ADK: variants seen among roughly 807,000 people sequenced by gnomAD.
ADK encodes the protein adenosine kinase, also known as N6,N6-dimethyladenosine kinase.
In ADK, 24 loss-of-function variants were observed where a neutral mutation model predicts 44.7. That is an observed-to-expected ratio of 0.54 (90% CI 0.39 to 0.76). The LOEUF (loss-of-function observed/expected upper bound fraction) is 0.76, where lower values mean the gene tolerates loss of function less well. ADK is among the 30% of genes least tolerant of loss of function. The pLI is 0.00. For synonymous variants in ADK, 128 were observed against 142.6 expected (o/e 0.90, Z 0.73); for missense variants, 321 against 425.1 (o/e 0.76, Z 2.15).
intron 9 of ADK, among the ~76,000 whole-genome samples, chr10:74,665,822 AAGAG>A (rs769352908): frequency 2.0e-5 from 3 of 150,188 alleles, no homozygotes; most frequent in South Asian, 4.2e-4. Context: ...AAGGAAAAGG[AAGAG>A]AGAGAGAAAA....
At chr10:74,578,209 TC>T (rs1316700297) in intron 7 of ADK, among the ~76,000 whole-genome samples, 3 of 152,338 alleles carry the variant, frequency 2.0e-5, no homozygotes, top group African/African-American at 7.2e-5. Context: ...TCTTCTTTCT[TC>T]TTTTCATCTA....
At chr10:74,494,954 C>T (rs1358001485) in intron 6 of ADK, among the ~76,000 whole-genome samples, 1 of 152,128 alleles carries the variant, frequency 6.6e-6, no homozygotes, top group Non-Finnish European at 1.5e-5. Context: ...TATATGGGCT[C>T]CATGTGGAAT....
chr10:74,302,137 T>TTG (rs1564642416), intron 3 of ADK, among the ~76,000 whole-genome samples: 5 of 103,814 alleles, frequency 4.8e-5, no homozygotes, highest in Admixed American at 1.1e-4. Context: ...TTTTTTTTTT[T>TTG]TTTTTTTTTG....
At chr10:74,308,647 T>A (rs1840333786) in intron 3 of ADK, among the ~76,000 whole-genome samples, 1 of 152,244 alleles carries the variant, frequency 6.6e-6, no homozygotes, top group Non-Finnish European at 1.5e-5. Context: ...GAAATTCTAC[T>A]TGGCAGTTAT....
chr10:74,240,880 A>T (rs545637879), intron 3 of ADK, among the ~76,000 whole-genome samples: 103 of 152,316 alleles, frequency 6.8e-4, no homozygotes, highest in African/African-American at 2.4e-3. Flanking sequence ...TATTTGGAAA[A>T]ATTAGTATTA....
At chr10:74,387,864 A>G (rs977430951) in intron 4 of ADK, among the ~76,000 whole-genome samples, 1 of 152,072 alleles carries the variant, frequency 6.6e-6, no homozygotes, top group African/African-American at 2.4e-5. Context: ...ATACTGTACT[A>G]AACTGCGTAG....
intron 6 of ADK, among the ~76,000 whole-genome samples, chr10:74,496,442 G>A (rs1232833655): frequency 2.0e-5 from 3 of 152,112 alleles, no homozygotes; most frequent in Admixed American, 6.5e-5. Context: ...TGGCATTTCC[G>A]CTGCTTGCAT....
intron 4 of ADK, among the ~76,000 whole-genome samples, chr10:74,322,643 CTT>C (rs1476965953): frequency 6.6e-6 from 1 of 152,108 alleles, no homozygotes; most frequent in Non-Finnish European, 1.5e-5. Flanking sequence ...ATTATTATAA[CTT>C]AGATCAGATT....
intron 10 of ADK, among the ~76,000 whole-genome samples, chr10:74,699,956 C>T (rs1856355428): frequency 6.6e-6 from 1 of 152,112 alleles, no homozygotes; most frequent in African/African-American, 2.4e-5. Flanking sequence ...CCTTAAACCT[C>T]TATGAAGGAG....
chr10:74,602,143 T>C (rs1466823804), intron 9 of ADK, among the ~76,000 whole-genome samples: 1 of 131,220 alleles, frequency 7.6e-6, no homozygotes, highest in Non-Finnish European at 1.6e-5. Context: ...CGGAGGGCAA[T>C]GGAGTCAAAG....
intron 6 of ADK, among the ~76,000 whole-genome samples, chr10:74,431,693 A>G (rs1845005285): frequency 6.6e-6 from 1 of 152,036 alleles, no homozygotes; most frequent in Non-Finnish European, 1.5e-5. Context: ...GTGAGCCTAG[A>G]TTGTGCCACT....
chr10:74,279,824 G>A (rs1846849756), intron 3 of ADK, among the ~76,000 whole-genome samples: 1 of 151,886 alleles, frequency 6.6e-6, no homozygotes, highest in Admixed American at 6.6e-5. Flanking sequence ...TTGAAACCAG[G>A]AATTTGAGAT....
At chr10:74,317,776 G>GT (rs140665100) in intron 4 of ADK, among the ~76,000 whole-genome samples, 42 of 151,976 alleles carry the variant, frequency 2.8e-4, no homozygotes, top group Middle Eastern at 3.4e-3. Context: ...GCTGTTTCTG[G>GT]TTTTTTTGTT....
At chr10:74,183,447 G>T (rs1842634366) in intron 1 of ADK, among the ~76,000 whole-genome samples, 2 of 152,068 alleles carry the variant, frequency 1.3e-5, no homozygotes, top group Admixed American at 1.3e-4. Context: ...ATGGTATTGT[G>T]CCTGTAGTCC....
chr10:74,327,253 T>C (rs985905725), intron 4 of ADK, among the ~76,000 whole-genome samples: 3 of 152,234 alleles, frequency 2.0e-5, no homozygotes, highest in Admixed American at 6.5e-5. Flanking sequence ...TTTTTGTTTC[T>C]CTTTAATTTT....
intron 9 of ADK, among the ~76,000 whole-genome samples, chr10:74,603,441 A>G (rs1460871869): frequency 1.3e-5 from 2 of 151,804 alleles, no homozygotes; most frequent in Admixed American, 1.3e-4. Flanking sequence ...CTGGTGTGTG[A>G]TGTTGCCCTC....
chr10:74,259,145 A>C (rs146001944), intron 3 of ADK, among the ~76,000 whole-genome samples: 1 of 151,660 alleles, frequency 6.6e-6, no homozygotes, highest in Non-Finnish European at 1.5e-5. Context: ...AGGTTTCGCC[A>C]TGTTGGCCAG....
Position 74,526,064 on chromosome 10 carries a change from A to G in ADK, c.726+638A>G, listed in dbSNP as rs113121724. On this transcript the variant is annotated intron_variant, in intron 7 of 10. Coordinates refer to ENST00000539909, the MANE Select transcript of ADK (RefSeq NM_006721.4). ...ACAGATGGATACCTGTCCTGTTACT[A>G]TGACCACAATCAGGATAAAAAAGCA... Among the ~76,000 whole-genome samples the G allele has an allele frequency of 5.1e-3, 774 of 152,340 alleles. 10 individuals carry two copies. The highest frequency in any genetic ancestry group is 0.017 in the African/African-American group (724 of 41,576).
intron 1 of ADK, among the ~76,000 whole-genome samples, chr10:74,166,290 GT>G (rs1371919963): frequency 1.3e-5 from 2 of 152,166 alleles, no homozygotes; most frequent in Admixed American, 6.5e-5. Context: ...TTTTGCTTGT[GT>G]TTAATTAAAA....
Sources: gnomAD v4.1 joint callset for allele counts (sites outside exome capture counted in the v4.1 genomes callset) on GRCh38, gnomAD v4.1.1 for gene constraint, MANE v1.5 for transcripts, NCBI Gene and HGNC (gene_info 2026-07-23, HGNC 2026-07-21) for gene names.